MNX1: variants seen among roughly 807,000 people sequenced by gnomAD.
MNX1 encodes the protein motor neuron and pancreas homeobox protein 1.
In MNX1, 2 loss-of-function variants were observed where a neutral mutation model predicts 17.3. The observed-to-expected ratio is 0.12, with a 90% CI of 0.05 to 0.36. MNX1 has a LOEUF of 0.36. MNX1 is among the 10% of genes least tolerant of loss of function. The probability of loss-of-function intolerance (pLI) is 1.00; values close to 1 mark genes in which losing one functional copy is unlikely to be tolerated. For synonymous variants in MNX1, 306 were observed against 283.1 expected (o/e 1.08, Z -0.81); for missense variants, 556 against 564.7 (o/e 0.98, Z 0.16).
In MNX1 at chr7:157,010,067, C is replaced by G; in HGVS notation, c.284G>C (p.Gly95Ala). 1 of 999,446 alleles carries G rather than the reference C, an allele frequency of 1.0e-6. No homozygotes were observed. The highest frequency in any genetic ancestry group is 1.2e-6 in the Non-Finnish European group (1 of 841,792). 61.9% of individuals were successfully genotyped at this position (999,446 alleles called of 1,614,324 possible). The change falls in exon 1 of 3, where the codon GGC becomes GCC. Residue 95 changes from glycine (G) to alanine (A), a missense_variant. Transcript: ENST00000252971. Reference protein sequence around the residue: ...AAHCALLPKPGFLGAGGGGGG... With the variant: ...AAHCALLPKPAFLGAGGGGGG... ...GCCGCCGCCGCCCGCGCCCAGGAAG[C>G]CCGGCTTGGGCAGCAGCGCGCAGTG... is the stretch of plus-strand genomic sequence containing the variant.
In MNX1 at chr7:157,005,576, A is replaced by G. The variant is rs2134837804; in HGVS notation, c.1150T>C (p.Ser384Pro). The G allele has an allele frequency of 6.3e-7, 1 of 1,588,178 alleles. No homozygotes were observed. The highest frequency in any genetic ancestry group is 1.9e-4 in the Middle Eastern group (1 of 5,156). The stretch of plus-strand genomic sequence containing the variant: ...GGGGGCGGCGAGTCGTCCTCCGAGG[A>G]GCAGTCGGAGGAGGCGGCGTGGACG... ...ASVHAASSDCSSEDDSPPPRP... is the reference protein window; with the variant it reads ...ASVHAASSDCPSEDDSPPPRP... Residue 384 changes from serine to proline, a missense_variant, in exon 3 of 3, where the codon TCC becomes CCC. By Grantham distance (74) the Ser-to-Pro change is moderately conservative. Transcript: ENST00000252971.
chr7:157,010,174 G>A lies in MNX1; in HGVS notation c.177C>T (p.Ser59=). Residue 59 remains serine, a synonymous_variant, in exon 1 of 3, where the codon AGC becomes AGT. Coordinates refer to ENST00000252971, the MANE Select transcript of MNX1 (RefSeq NM_005515.4). ...CAGCCGGCGGCTCCGAGGACGCGGGGCTGCAGCTGCCGCTAGTCCCGCCGC... is the reference window on the plus strand; with the variant it reads ...CAGCCGGCGGCTCCGAGGACGCGGGACTGCAGCTGCCGCTAGTCCCGCCGC... ...GASGGTSGSC[S]PASSEPPAAP... 8.5e-7 allele frequency: 1 copy of A among 1,170,338 alleles called. No homozygotes were observed. Among genetic ancestry groups the A allele is most frequent in the Non-Finnish European group, 1.1e-6 (1 of 945,922 alleles). 72.5% of individuals were successfully genotyped at this position (1,170,338 alleles called of 1,614,324 possible).
chr7:157,008,889 C>T, intron 1 of MNX1: 1 of 1,210,130 alleles, frequency 8.3e-7, no homozygotes, highest in South Asian at 1.3e-5. Context: ...GCCCAGGCCT[C>T]TGGCGAGGTG....
At chr7:157,008,650 C>G in intron 1 of MNX1, 2 of 343,296 alleles carry the variant, frequency 5.8e-6, no homozygotes. Flanking sequence ...TGCTTTTCCC[C>G]TGCTCTGCCT....
At chr7:157,005,926 T>G in intron 2 of MNX1, 53 bp from the exon 3 acceptor site, 2 of 1,599,518 alleles carry the variant, frequency 1.3e-6, no homozygotes, top group Non-Finnish European at 1.7e-6. Context: ...CAGGGCTTCC[T>G]GTCCCCGGAG....
intron 2 of MNX1, 104 bp from the exon 3 acceptor site, chr7:157,005,977 T>A: frequency 7.5e-7 from 1 of 1,331,388 alleles, no homozygotes; most frequent in Non-Finnish European, 1.1e-6. Flanking sequence ...GGGTCGGCCC[T>A]GGAATGGCCT....
rs1805674222 is a variant in MNX1 at position 157,009,805 on chromosome 7, G to C, written c.546C>G (p.Leu182=). Residue 182 remains leucine (L), a synonymous_variant, in exon 1 of 3, where the codon CTC becomes CTG. Transcript: ENST00000252971. ...AAALAGQHPA[L]SYSYPQVQGA... ...CTTGCACCTGCGGGTACGAGTAGGAGAGCGCCGGGTGCTGGCCCGCCAGCG... is the reference window on the plus strand; with the variant it reads ...CTTGCACCTGCGGGTACGAGTAGGACAGCGCCGGGTGCTGGCCCGCCAGCG... The C allele has an allele frequency of 6.4e-7, 1 of 1,550,928 alleles. No individual in the cohort carries two copies.
chr7:157,009,210 A>G, intron 1 of MNX1: 2 of 1,449,426 alleles, frequency 1.4e-6, no homozygotes, highest in Non-Finnish European at 1.8e-6. Context: ...GCTGCTCCTG[A>G]AGCACTCCCT....
Position 157,008,757 on chromosome 7 carries a change from G to T in MNX1, c.691+903C>A, listed in dbSNP as rs1194646569. 5.2e-6 allele frequency: 3 copies of T among 578,760 alleles called. No homozygotes were observed. In the Admixed American group the frequency reaches 9.0e-5, roughly 17 times the overall value. 35.9% of individuals were successfully genotyped at this position (578,760 alleles called of 1,614,324 possible). A position where few individuals can be genotyped will look rare whatever the true frequency, so the allele number is the denominator to read the frequency against. On this transcript the variant is annotated intron_variant, in intron 1 of 2. Transcript: ENST00000252971. Reference sequence around the variant, plus strand: ...TGAAAGCGTTGAGCCATATACATCTGCTCGGCCCGACTCATAAGTAGCTGA... The same window carrying T: ...TGAAAGCGTTGAGCCATATACATCTTCTCGGCCCGACTCATAAGTAGCTGA...
In MNX1 at chr7:157,009,865, C is replaced by T. The variant is rs1347232051; in HGVS notation, c.486G>A (p.Pro162=). The T allele has an allele frequency of 1.3e-6, 2 of 1,482,170 alleles. No individual in the cohort carries two copies. Among genetic ancestry groups the T allele is most frequent in the Non-Finnish European group, 8.9e-7 (1 of 1,124,274 alleles). The allele number at this position is 1,482,170 out of a possible 1,614,324, so 91.8% of individuals were successfully genotyped here. ...CCGCCGCCGCGGAGTAGCCGTAGAC[C>T]GGGTGGCCGTAGAGCGCCGCCTGCG... is the stretch of plus-strand genomic sequence containing the variant. ...LPAQAALYGH[P]VYGYSAAAAA... The change falls in exon 1 of 3, where the codon CCG becomes CCA. Residue 162 remains proline (P), a synonymous_variant. Transcript: ENST00000252971.
At chr7:157,005,999 G>A in intron 2 of MNX1, 126 bp from the exon 3 acceptor site, 2 of 1,053,962 alleles carry the variant, frequency 1.9e-6, no homozygotes, top group South Asian at 2.9e-5. Flanking sequence ...AGGGTGAGAC[G>A]ACTTAGAAGC....
chr7:157,009,419 C>T (rs998310723), intron 1 of MNX1: 11 of 1,427,280 alleles, frequency 7.7e-6, no homozygotes, highest in Non-Finnish European at 1.0e-5. Flanking sequence ...CTCCAACTGC[C>T]CCTTCCCGTT....
rs1481968129 is a variant in MNX1 at position 157,006,813 on chromosome 7, C to T, written c.692-174G>A. The T allele has an allele frequency of 1.5e-5, 9 of 615,960 alleles. No individual in the cohort carries two copies. Among genetic ancestry groups the T allele is most frequent in the Non-Finnish European group, 2.2e-5 (8 of 370,430 alleles). 38.2% of individuals were successfully genotyped at this position (615,960 alleles called of 1,614,324 possible). On this transcript the variant is annotated intron_variant, in intron 1 of 2. Coordinates refer to ENST00000252971, the MANE Select transcript of MNX1 (RefSeq NM_005515.4). The surrounding 1 kb of genome is among the most constrained non-coding windows in gnomAD (Gnocchi z 6.3). ...CTCCCCAAGGAATGCGGACTCAGGA[C>T]CACCAAGTGGAAATGGATAGTTTGG... is the stretch of plus-strand genomic sequence containing the variant.
In MNX1 at chr7:157,010,448, G is replaced by C. The variant is rs1805695431; in HGVS notation, c.-98C>G. 1.2e-6 allele frequency: 1 copy of C among 830,674 alleles called. No individual in the cohort carries two copies. The highest frequency in any genetic ancestry group is 1.8e-6 in the Non-Finnish European group (1 of 568,358). The allele number at this position is 830,674 out of a possible 1,614,324, so 51.5% of individuals were successfully genotyped here. On this transcript the variant is annotated 5_prime_UTR_variant, in exon 1 of 3. Transcript: ENST00000252971. ...GCGTGCGGTGCAAGCCCGGGGGCTCGGTATTGTTATGGTGGTTATTTGCCA... is the reference window on the plus strand; with the variant it reads ...GCGTGCGGTGCAAGCCCGGGGGCTCCGTATTGTTATGGTGGTTATTTGCCA...
Position 157,009,811 on chromosome 7 carries a change from C to T in MNX1, c.540G>A (p.Pro180=). Residue 180 remains proline (P), a synonymous_variant, in exon 1 of 3, where the codon CCG becomes CCA. Transcript: ENST00000252971. Reference sequence around the variant, plus strand: ...CCTGCGGGTACGAGTAGGAGAGCGCCGGGTGCTGGCCCGCCAGCGCAGCCG... The same window carrying T: ...CCTGCGGGTACGAGTAGGAGAGCGCTGGGTGCTGGCCCGCCAGCGCAGCCG... ...AAAAALAGQH[P]ALSYSYPQVQ... is the part of the protein sequence containing the mutation. 1 of 1,538,850 alleles carries T rather than the reference C, an allele frequency of 6.5e-7. No individual in the cohort carries two copies. The highest frequency in any genetic ancestry group is 1.4e-5 in the African/African-American group (1 of 72,108).
rs1805567738 is a variant in MNX1, at chr7:157,005,227, C to G, written c.*293G>C. 1 of 246,124 alleles carries G rather than the reference C, an allele frequency of 4.1e-6. No homozygotes were observed. Among genetic ancestry groups the G allele is most frequent in the African/African-American group, 2.2e-5 (1 of 45,382 alleles). 15.2% of individuals were successfully genotyped at this position (246,124 alleles called of 1,614,324 possible). A position where few individuals can be genotyped will look rare whatever the true frequency, so the allele number is the denominator to read the frequency against. On this transcript the variant is annotated 3_prime_UTR_variant, in exon 3 of 3. Coordinates refer to ENST00000252971, the MANE Select transcript of MNX1 (RefSeq NM_005515.4). ...CTTCTCACACGCACTCGCGCCTCCCCCAACACCAACCAAAATTAATTTTAA... is the reference window on the plus strand; with the variant it reads ...CTTCTCACACGCACTCGCGCCTCCCGCAACACCAACCAAAATTAATTTTAA...
chr7:157,009,612 G>A (rs1490731076), intron 1 of MNX1, 48 bp downstream of exon 1: 1 of 1,591,580 alleles, frequency 6.3e-7, no homozygotes, highest in African/African-American at 1.3e-5. Context: ...TGGAGGATGC[G>A]CGAGGCCCTC....
At chr7:157,009,309 T>C in intron 1 of MNX1, 2 of 1,410,940 alleles carry the variant, frequency 1.4e-6, no homozygotes, top group Middle Eastern at 3.7e-4. Flanking sequence ...TGACCCCCAT[T>C]CCCGGGCCTG....
In MNX1 at chr7:157,006,772, T is replaced by G; in HGVS notation, c.692-133A>C. 1.1e-6 allele frequency: 1 copy of G among 886,356 alleles called. No individual in the cohort carries two copies. The allele number at this position is 886,356 out of a possible 1,614,324, so 54.9% of individuals were successfully genotyped here. The stretch of plus-strand genomic sequence containing the variant: ...CCCTGCAGAGGGCGGGGCTGTTCCC[T>G]CACTATCAGTGCCCACTCCCCAAGG... On this transcript the variant is annotated intron_variant, in intron 1 of 2. Transcript: ENST00000252971. This position sits in a 1 kb window ranked among gnomAD's most constrained non-coding sequence, Gnocchi z 6.3.
Sources: allele counts gnomAD v4.1 joint callset, GRCh38; gene constraint gnomAD v4.1.1; non-coding constraint Gnocchi (gnomAD v3.1); transcripts MANE v1.5; gene names NCBI Gene and HGNC (gene_info 2026-07-23, HGNC 2026-07-21).